Variants in ZNF316 observed in about 807,000 individuals in gnomAD.
The protein encoded by ZNF316 is zinc finger protein 316.
Under a neutral mutation model 75.6 loss-of-function variants are expected in ZNF316, and 23 were observed. The observed-to-expected ratio is 0.30, with a 90% CI of 0.22 to 0.43. ZNF316 has a LOEUF of 0.43. Among genes scored for constraint, ZNF316 ranks in the 20% least tolerant of loss-of-function variants. The pLI is 1.00. For missense variants in ZNF316, 1,266 were observed against 1,409.4 expected (o/e 0.90, Z 1.63); for synonymous variants, 827 against 666.2 (o/e 1.24, Z -3.72).
At chr7:6,648,697 G>A (rs1284439525) in intron 8 of ZNF316, among the ~76,000 whole-genome samples, 3 of 152,172 alleles carry the variant, frequency 2.0e-5, no homozygotes, top group Non-Finnish European at 4.4e-5. Context: ...CAGAGCCCGG[G>A]CCCCCCAGCT....
intron 8 of ZNF316, among the ~76,000 whole-genome samples, chr7:6,647,721 G>A (rs938158626): frequency 6.6e-6 from 1 of 152,240 alleles, no homozygotes; most frequent in Non-Finnish European, 1.5e-5. Flanking sequence ...CTCCGAGATG[G>A]GCAGAGGTTG....
In ZNF316 at chr7:6,654,257, C is replaced by A; in HGVS notation, c.2661C>A (p.Phe887Leu). The change falls in exon 9 of 9, where the codon TTC becomes TTA. Residue 887 changes from phenylalanine to leucine, a missense_variant. Around this residue, in one of 3 missense-constraint regions of ZNF316, gnomAD observed 194 missense variants for 319.2 expected, o/e 0.61. Transcript: ENST00000382252. Reference protein sequence around the residue: ...HRRGHTGERPFPCPECGKRFS... With the variant: ...HRRGHTGERPLPCPECGKRFS... ...GCGGCCACACGGGCGAACGCCCCTT[C>A]CCGTGCCCTGAGTGCGGCAAGCGCT... 1 of 1,223,586 alleles carries A rather than the reference C, an allele frequency of 8.2e-7. No individual in the cohort carries two copies. The allele number at this position is 1,223,586 out of a possible 1,614,324, so 75.8% of individuals were successfully genotyped here.
chr7:6,651,815 G>T (rs1426319213), intron 8 of ZNF316, among the ~76,000 whole-genome samples: 1 of 152,238 alleles, frequency 6.6e-6, no homozygotes, highest in East Asian at 1.9e-4. Context: ...TCTGTGGACA[G>T]GGCCGCCGGC....
In ZNF316 at chr7:6,654,218, G is replaced by A; in HGVS notation, c.2622G>A (p.Leu874=). The change falls in exon 9 of 9, where the codon CTG becomes CTA. Residue 874 remains leucine, a synonymous_variant. Transcript: ENST00000382252. The stretch of plus-strand genomic sequence containing the variant: ...GCGGCTTCGCGCAGCGCTCCAACCT[G>A]GCCAAGCACCGGCGCGGCCACACGG... ...CGRGFAQRSN[L]AKHRRGHTGE... is the part of the protein sequence containing the mutation. 3 of 1,223,698 alleles carry A rather than the reference G, an allele frequency of 2.5e-6. No homozygotes were observed. The highest frequency in any genetic ancestry group is 6.6e-5 in the East Asian group (2 of 30,496). 75.8% of individuals were successfully genotyped at this position (1,223,698 alleles called of 1,614,324 possible). A position where few individuals can be genotyped will look rare whatever the true frequency, so the allele number is the denominator to read the frequency against.
At position 6,652,721 on chromosome 7, in the gene ZNF316, C is replaced by G. The variant is rs1195887174; in HGVS notation, c.1125C>G (p.Cys375Trp). The change falls in exon 9 of 9, where the codon TGC (cysteine) becomes TGG (tryptophan). Residue 375 changes from cysteine to tryptophan, a missense_variant. This residue lies in a region of ZNF316 where 961 missense variants were observed against 990.9 expected (regional missense o/e 0.97). Coordinates refer to ENST00000382252, the MANE Select transcript of ZNF316 (RefSeq NM_001278559.2). ...RYHAAVKPFG[C>W]EECGKGFVYR... ...ACGCGGCCGTCAAGCCCTTCGGCTG[C>G]GAGGAGTGCGGCAAGGGCTTCGTGT... 1 of 1,242,440 alleles carries G rather than the reference C, an allele frequency of 8.0e-7. No individual in the cohort carries two copies. Among genetic ancestry groups the G allele is most frequent in the Non-Finnish European group, 1.0e-6 (1 of 992,694 alleles). 77.0% of individuals were successfully genotyped at this position (1,242,440 alleles called of 1,614,324 possible).
chr7:6,645,492 C>T (rs9640029), intron 8 of ZNF316, among the ~76,000 whole-genome samples: 97,034 of 151,108 alleles, frequency 0.64, 33,815 homozygotes, highest in African/African-American at 0.91. Flanking sequence ...GAGACCAGCC[C>T]GACCAACATG....
Position 6,642,578 on chromosome 7 carries a change from G to A in ZNF316, c.169G>A (p.Glu57Lys). ...EEEEIVVEEE[E>K]EGVAEVVQDA... is the part of the protein sequence containing the mutation. The stretch of plus-strand genomic sequence containing the variant: ...GGAGGAGATAGTGGTGGAGGAGGAG[G>A]AGGAGGGTGTGGCAGAGGTAGTGCA... The change falls in exon 5 of 9, where the codon GAG (glutamate) becomes AAG (lysine). Residue 57 changes from glutamate (E) to lysine (K), a missense_variant. Physicochemically the swap from Glu to Lys is moderately conservative, Grantham distance 56 (BLOSUM62 1). Transcript: ENST00000382252. The surrounding 1 kb of genome is among the most constrained non-coding windows in gnomAD (Gnocchi z 8.1). The A allele has an allele frequency of 8.2e-7, 1 of 1,221,042 alleles. No homozygotes were observed. The highest frequency in any genetic ancestry group is 1.0e-6 in the Non-Finnish European group (1 of 976,758). 75.6% of individuals were successfully genotyped at this position (1,221,042 alleles called of 1,614,324 possible). A position where few individuals can be genotyped will look rare whatever the true frequency, so the allele number is the denominator to read the frequency against.
chr7:6,645,975 CAG>C (rs1779394790), intron 8 of ZNF316, among the ~76,000 whole-genome samples: 1 of 125,138 alleles, frequency 8.0e-6, no homozygotes, highest in African/African-American at 3.2e-5. Context: ...GCCTGGGTGA[CAG>C]AGTGAGACGC....
chr7:6,651,453 G>A (rs1423924816), intron 8 of ZNF316, among the ~76,000 whole-genome samples: 2 of 152,168 alleles, frequency 1.3e-5, no homozygotes, highest in Admixed American at 1.3e-4. Flanking sequence ...TCAGGAGTTC[G>A]AGACCAGCCT....
At chr7:6,643,562 C>G (rs1011039230) in intron 6 of ZNF316, among the ~76,000 whole-genome samples, 1 of 152,170 alleles carries the variant, frequency 6.6e-6, no homozygotes. Flanking sequence ...GGGCGGGGCT[C>G]CCTGTCTCCT....
chr7:6,643,857 C>T lies in ZNF316; in HGVS notation c.501C>T (p.Phe167=), dbSNP rs1779353719. 18 of 1,238,444 alleles carry T rather than the reference C, an allele frequency of 1.5e-5. No homozygotes were observed. In the South Asian group the frequency reaches 6.9e-4, roughly 47 times the overall value. The allele number at this position is 1,238,444 out of a possible 1,614,324, so 76.7% of individuals were successfully genotyped here. A position where few individuals can be genotyped will look rare whatever the true frequency, so the allele number is the denominator to read the frequency against. The part of the protein sequence containing the change: ...LVTFEDVAVY[F]SLEEWERLEA... Reference sequence around the variant, plus strand: ...CGTTTGAAGATGTGGCTGTGTACTTCTCCCTGGAGGAGTGGGAAAGGCTGG... The same window carrying T: ...CGTTTGAAGATGTGGCTGTGTACTTTTCCCTGGAGGAGTGGGAAAGGCTGG... The change falls in exon 7 of 9, where the codon TTC becomes TTT. Residue 167 remains phenylalanine (F), a synonymous_variant. Coordinates refer to ENST00000382252, the MANE Select transcript of ZNF316 (RefSeq NM_001278559.2).
At position 6,655,261 on chromosome 7, in the gene ZNF316, A is replaced by G. The variant is rs1473084276; in HGVS notation, c.*650A>G. On this transcript the variant is annotated 3_prime_UTR_variant, in exon 9 of 9. Transcript: ENST00000382252. ...TGGCCTGAAGAATCTAGGAGGAGAAAAAGCCAGATACCAAACTTACGGCCA... is the reference window on the plus strand; with the variant it reads ...TGGCCTGAAGAATCTAGGAGGAGAAGAAGCCAGATACCAAACTTACGGCCA... 2 of 152,040 alleles carry G rather than the reference A, an allele frequency of 1.3e-5. No homozygotes were observed. The highest frequency in any genetic ancestry group is 1.3e-4 in the Admixed American group (2 of 15,256). The allele number at this position is 152,040 out of a possible 1,614,324, so 9.4% of individuals were successfully genotyped here.
chr7:6,643,947 G>A lies in ZNF316; in HGVS notation c.591G>A (p.Leu197=), dbSNP rs1336983527. 4.9e-6 allele frequency: 6 copies of A among 1,232,552 alleles called. No individual in the cohort carries two copies. The highest frequency in any genetic ancestry group is 5.1e-6 in the Non-Finnish European group (5 of 988,206). The allele number at this position is 1,232,552 out of a possible 1,614,324, so 76.4% of individuals were successfully genotyped here. A position where few individuals can be genotyped will look rare whatever the true frequency, so the allele number is the denominator to read the frequency against. Reference sequence around the variant, plus strand: ...AGAACTATGGGATTCTCGTGTCCTTGGGTAAGGACGGGACCTTTTGTCCCC... The same window carrying A: ...AGAACTATGGGATTCTCGTGTCCTTAGGTAAGGACGGGACCTTTTGTCCCC... ...MQENYGILVS[L]GYPIPKPDLI... Residue 197 remains leucine, a splice_region_variant and synonymous_variant, in exon 7 of 9, where the codon TTG becomes TTA. Transcript: ENST00000382252.
Position 6,642,401 on chromosome 7 carries a change from C to T in ZNF316, c.-9C>T. ...TTTCAGGCCACGTGGAGGCTCGCTC[C>T]CAGGGAGGATGGCGGCGCTCCACAC... On this transcript the variant is annotated 5_prime_UTR_variant, in exon 5 of 9. Coordinates refer to ENST00000382252, the MANE Select transcript of ZNF316 (RefSeq NM_001278559.2). The surrounding 1 kb of genome is among the most constrained non-coding windows in gnomAD (Gnocchi z 8.1). 5 of 1,232,194 alleles carry T rather than the reference C, an allele frequency of 4.1e-6. No homozygotes were observed. Among genetic ancestry groups the T allele is most frequent in the Non-Finnish European group, 5.1e-6 (5 of 988,040 alleles). 76.3% of individuals were successfully genotyped at this position (1,232,194 alleles called of 1,614,324 possible).
At chr7:6,645,950 C>T (rs578085550) in intron 8 of ZNF316, among the ~76,000 whole-genome samples, 37 of 148,344 alleles carry the variant, frequency 2.5e-4, no homozygotes, top group African/African-American at 6.5e-4. Context: ...GCCAAGACTG[C>T]GCCACTGCAT....
At chr7:6,646,112 C>T (rs377518361) in intron 8 of ZNF316, among the ~76,000 whole-genome samples, 42 of 152,102 alleles carry the variant, frequency 2.8e-4, no homozygotes, top group African/African-American at 8.9e-4. Flanking sequence ...TCCCTTGACA[C>T]GACACGTGCG....
At position 6,652,409 on chromosome 7, in the gene ZNF316, G is replaced by A. The variant is rs1372194125; in HGVS notation, c.813G>A (p.Ser271=). 30 of 1,232,136 alleles carry A rather than the reference G, an allele frequency of 2.4e-5. No homozygotes were observed. The highest frequency in any genetic ancestry group is 1.1e-4 in the African/African-American group (7 of 64,422). 76.3% of individuals were successfully genotyped at this position (1,232,136 alleles called of 1,614,324 possible). A position where few individuals can be genotyped will look rare whatever the true frequency, so the allele number is the denominator to read the frequency against. Reference sequence around the variant, plus strand: ...AGAACGAGCCCCCAGGGCTCTGGTCGGCGGCCTACGGCGTGGGGGACGTGC... The same window carrying A: ...AGAACGAGCCCCCAGGGCTCTGGTCAGCGGCCTACGGCGTGGGGGACGTGC... ...EEENEPPGLW[S]AAYGVGDVPG... Residue 271 remains serine, a synonymous_variant, in exon 9 of 9, where the codon TCG becomes TCA. Transcript: ENST00000382252.
At chr7:6,641,171 AGGAGTTCT>A (rs1278082251) in intron 3 of ZNF316, among the ~76,000 whole-genome samples, 2 of 152,188 alleles carry the variant, frequency 1.3e-5, no homozygotes, top group Non-Finnish European at 2.9e-5. Flanking sequence ...GTCTTGTTTT[AGGAGTTCT>A]GTGGCAGACA....
rs13312668 is a variant in ZNF316, at chr7:6,637,786, G to A, written c.-430-60G>A. 6.6e-6 allele frequency: 1 copy of A among 152,130 alleles called. No individual in the cohort carries two copies. The highest frequency in any genetic ancestry group is 1.5e-5 in the Non-Finnish European group (1 of 68,042). The allele number at this position is 152,130 out of a possible 1,614,324, so 9.4% of individuals were successfully genotyped here. On this transcript the variant is annotated intron_variant, in intron 1 of 8. Coordinates refer to ENST00000382252, the MANE Select transcript of ZNF316 (RefSeq NM_001278559.2). The surrounding 1 kb of genome is among the most constrained non-coding windows in gnomAD (Gnocchi z 6.2). ...CCACGCCTTCTCGGCCGCAGCGGCAGGGGCTGGGCCGCGGCCGCCCCCAGG... is the reference window on the plus strand; with the variant it reads ...CCACGCCTTCTCGGCCGCAGCGGCAAGGGCTGGGCCGCGGCCGCCCCCAGG...
Sources: allele counts gnomAD v4.1 joint callset (sites outside exome capture counted in the v4.1 genomes callset), GRCh38; gene constraint gnomAD v4.1.1; regional missense constraint gnomAD v4.1.1; non-coding constraint Gnocchi (gnomAD v3.1); transcripts MANE v1.5; gene names NCBI Gene and HGNC (gene_info 2026-07-23, HGNC 2026-07-21).